Variants in IFIH1 observed in about 807,000 individuals in gnomAD.
The protein encoded by IFIH1 is interferon induced with helicase C domain 1, also known as interferon-induced helicase C domain-containing protein 1.
Under a neutral mutation model 107.4 loss-of-function variants are expected in IFIH1, and 125 were observed. That is an observed-to-expected ratio of 1.16 (90% CI 1.01 to 1.35). The LOEUF (loss-of-function observed/expected upper bound fraction) is 1.35. Ranked by LOEUF, IFIH1 falls within the 40% of genes most tolerant of loss-of-function variation. The probability of loss-of-function intolerance (pLI) is 0.00; values close to 1 mark genes in which losing one functional copy is unlikely to be tolerated. For missense variants in IFIH1, 1,333 were observed against 1,213.7 expected (o/e 1.10, Z -1.46); for synonymous variants, 458 against 413.2 (o/e 1.11, Z -1.31).
intron 3 of IFIH1, among the ~76,000 whole-genome samples, chr2:162,305,877 G>C (rs185326299): frequency 3.2e-4 from 49 of 152,264 alleles, no homozygotes; most frequent in African/African-American, 9.6e-4. Flanking sequence ...ATAAAGATGT[G>C]CCACTGCACA....
intron 7 of IFIH1, 44 bp from the exon 8 acceptor site, chr2:162,280,156 C>T: frequency 9.5e-7 from 1 of 1,053,306 alleles, no homozygotes; most frequent in East Asian, 2.4e-5. Flanking sequence ...TTATTTTTCC[C>T]TTTCACTTTA....
Position 162,283,831 on chromosome 2 carries a change from A to C in IFIH1, c.1096-1255T>G, listed in dbSNP as rs74849810. On this transcript the variant is annotated intron_variant, in intron 5 of 15. Coordinates refer to ENST00000649979, the MANE Select transcript of IFIH1 (RefSeq NM_022168.4). ...AAGTAGGTGTCTGGGGGGCTGGAAG[A>C]AGGGGTGGGGAAGAGTTAAAATGAA... Among the ~76,000 whole-genome samples, 574 of 151,920 alleles carry C rather than the reference A, an allele frequency of 3.8e-3. 7 individuals carry two copies. The highest frequency in any genetic ancestry group is 0.013 in the African/African-American group (539 of 41,472).
intron 8 of IFIH1, among the ~76,000 whole-genome samples, chr2:162,279,111 T>G (rs1294178117): frequency 6.6e-6 from 1 of 152,072 alleles, no homozygotes; most frequent in Non-Finnish European, 1.5e-5. Flanking sequence ...AAAATCTTTA[T>G]GAGTAGAAAC....
intron 3 of IFIH1, among the ~76,000 whole-genome samples, chr2:162,302,123 A>T (rs960689712): frequency 1.3e-5 from 2 of 152,110 alleles, no homozygotes; most frequent in African/African-American, 4.8e-5. Flanking sequence ...TCTAGTGCCA[A>T]AGGGATATGT....
intron 1 of IFIH1, among the ~76,000 whole-genome samples, chr2:162,312,010 A>G (rs1017919790): frequency 3.9e-5 from 6 of 152,218 alleles, no homozygotes; most frequent in Non-Finnish European, 7.4e-5. Flanking sequence ...TGATTCTATC[A>G]GCCTCCCAGA....
In IFIH1 at chr2:162,318,312, CTT is replaced by C. The variant is rs777784356; in HGVS notation, c.-7_-6del. On this transcript the variant is annotated 5_prime_UTR_variant, in exon 1 of 16. Coordinates refer to ENST00000649979, the MANE Select transcript of IFIH1 (RefSeq NM_022168.4). ...TGTGGAATACCCATTCGACATCTTT[CTT>C]TCTCAGAGAAGGGAGAGGGTTCTCC... The C allele has an allele frequency of 1.3e-5, 21 of 1,608,064 alleles. No homozygotes were observed. In the South Asian group the frequency reaches 2.2e-4, roughly 17 times the overall value.
chr2:162,310,431 T>C, intron 2 of IFIH1: 1 of 405,350 alleles, frequency 2.5e-6, no homozygotes. Flanking sequence ...CAGCAGATTT[T>C]TTATAACCAC....
chr2:162,292,339 A>C (rs1419925814), intron 4 of IFIH1, among the ~76,000 whole-genome samples: 5 of 151,952 alleles, frequency 3.3e-5, no homozygotes, highest in African/African-American at 1.2e-4. Context: ...GCAAGAACTC[A>C]ATAAACACTG....
intron 14 of IFIH1, 110 bp from the exon 15 acceptor site, chr2:162,267,679 C>A (rs11891413): frequency 1.0e-5 from 8 of 788,008 alleles, no homozygotes; most frequent in South Asian, 1.5e-5. Flanking sequence ...GTATTCTACA[C>A]GGCATTCCTT....
At chr2:162,296,037 TATCTAAA>T (rs1261807838) in intron 3 of IFIH1, among the ~76,000 whole-genome samples, 2 of 152,050 alleles carry the variant, frequency 1.3e-5, no homozygotes, top group Non-Finnish European at 2.9e-5. Flanking sequence ...TACTAACAAA[TATCTAAA>T]ATCTAAGACT....
rs781753569 is a variant in IFIH1 at position 162,276,851 on chromosome 2, T to C, written c.2140A>G (p.Arg714Gly). 2.5e-6 allele frequency: 4 copies of C among 1,613,884 alleles called. No homozygotes were observed. The South Asian group carries it at 3.3e-5, about 13-fold the overall frequency. ...LRNTIMEQYTRTEESARGIIF... is the reference protein window; with the variant it reads ...LRNTIMEQYTGTEESARGIIF... ...ATTCCTCGTGCTGATTCCTCAGTCC[T>C]AGTATATTGCTCCATTATGGTATTT... The change falls in exon 11 of 16, where the codon AGG becomes GGG. Residue 714 changes from arginine (R) to glycine (G), a missense_variant. By Grantham distance (125) the Arg-to-Gly change is moderately radical (BLOSUM62 -2). Transcript: ENST00000649979.
intron 10 of IFIH1, 70 bp from the exon 11 acceptor site, chr2:162,277,016 C>A (rs1464740630): frequency 1.8e-6 from 2 of 1,138,370 alleles, no homozygotes; most frequent in Non-Finnish European, 2.5e-6. Flanking sequence ...ACAGATATAT[C>A]AAACATTTTG....
intron 13 of IFIH1, among the ~76,000 whole-genome samples, chr2:162,268,504 T>A (rs539934695): frequency 6.6e-6 from 1 of 152,316 alleles, no homozygotes; most frequent in African/African-American, 2.4e-5. Flanking sequence ...AAGTAGCCCA[T>A]TCCATTTCAG....
At chr2:162,298,091 C>T (rs777632079) in intron 3 of IFIH1, among the ~76,000 whole-genome samples, 1 of 151,982 alleles carries the variant, frequency 6.6e-6, no homozygotes, top group Non-Finnish European at 1.5e-5. Context: ...AGGTTGAAGG[C>T]CTTTTTAGAT....
chr2:162,302,700 T>C (rs1164490847), intron 3 of IFIH1, among the ~76,000 whole-genome samples: 1 of 152,240 alleles, frequency 6.6e-6, no homozygotes, highest in Non-Finnish European at 1.5e-5. Context: ...AAGTTATTAA[T>C]ATCAGTAATT....
Position 162,298,790 on chromosome 2 carries a change from GCACA to G in IFIH1, c.770-5126_770-5123del, listed in dbSNP as rs144124365. 8.4e-3 allele frequency among the ~76,000 whole-genome samples: 1,252 copies of G among 149,282 alleles called. 17 individuals are homozygous for G. Among genetic ancestry groups the G allele is most frequent in the African/African-American group, 0.027 (1,106 of 41,198 alleles). On this transcript the variant is annotated intron_variant, in intron 3 of 15. Coordinates refer to ENST00000649979, the MANE Select transcript of IFIH1 (RefSeq NM_022168.4). ...TCTACACACACACGCACGCGCGCGC[GCACA>G]CACACACACACACACACTCACATTT...
At chr2:162,314,267 A>T (rs1284278827) in intron 1 of IFIH1, among the ~76,000 whole-genome samples, 1 of 152,064 alleles carries the variant, frequency 6.6e-6, no homozygotes. Context: ...TATTATAATG[A>T]TTGATAAAAT....
chr2:162,300,492 T>G (rs1683175302), intron 3 of IFIH1, among the ~76,000 whole-genome samples: 1 of 152,216 alleles, frequency 6.6e-6, no homozygotes, highest in Non-Finnish European at 1.5e-5. Flanking sequence ...TATGCAACTG[T>G]AAGCCATATA....
intron 1 of IFIH1, 97 bp downstream of exon 1, chr2:162,317,758 A>G: frequency 2.1e-6 from 2 of 967,140 alleles, no homozygotes; most frequent in Non-Finnish European, 3.1e-6. Context: ...AGATTTGCCC[A>G]AAGAGGTCAA....
Sources: allele counts gnomAD v4.1 joint callset (sites outside exome capture counted in the v4.1 genomes callset), GRCh38; gene constraint gnomAD v4.1.1; transcripts MANE v1.5; gene names NCBI Gene and HGNC (gene_info 2026-07-23, HGNC 2026-07-21).